The following MIPEP variants were observed in gnomAD, a reference collection of about 807,000 sequenced individuals.
MIPEP encodes mitochondrial intermediate peptidase.
Under a neutral mutation model 90.3 loss-of-function variants are expected in MIPEP, and 79 were observed. That is an observed-to-expected ratio of 0.87 (90% CI 0.73 to 1.05). The LOEUF is 1.05. Among genes scored for constraint, MIPEP ranks in the 50% least tolerant of loss-of-function variants. MIPEP has a pLI of 0.00. For missense variants in MIPEP, 940 were observed against 905.6 expected (o/e 1.04, Z -0.49); for synonymous variants, 334 against 315.8 (o/e 1.06, Z -0.61).
chr13:23,770,383 A>C (rs1467762328), intron 16 of MIPEP, among the ~76,000 whole-genome samples: 2 of 152,044 alleles, frequency 1.3e-5, no homozygotes, highest in African/African-American at 2.4e-5. Flanking sequence ...TGTCTTTTTA[A>C]ATTACGCTTC....
At chr13:23,884,454 G>A (rs1267816189) in intron 2 of MIPEP, among the ~76,000 whole-genome samples, 2 of 152,164 alleles carry the variant, frequency 1.3e-5, no homozygotes, top group East Asian at 3.9e-4. Context: ...TGAGACCTGA[G>A]CAGCCAGCCA....
chr13:23,857,314 T>TA (rs1235041858), intron 10 of MIPEP, among the ~76,000 whole-genome samples: 3 of 151,934 alleles, frequency 2.0e-5, no homozygotes, highest in African/African-American at 4.8e-5. Context: ...GTGTTTTCAC[T>TA]AAAAAAAAGA....
At chr13:23,806,106 C>T (rs1368355007) in intron 15 of MIPEP, 37 bp from the exon 16 acceptor site, 17 of 1,610,868 alleles carry the variant, frequency 1.1e-5, no homozygotes, top group African/African-American at 2.7e-5. Context: ...TTTTGGTCGT[C>T]CATCCTCACA....
intron 18 of MIPEP, among the ~76,000 whole-genome samples, chr13:23,743,685 T>G (rs1332014739): frequency 6.6e-6 from 1 of 152,240 alleles, no homozygotes; most frequent in Non-Finnish European, 1.5e-5. Context: ...TTATTTTAAT[T>G]TCATTGTCAG....
At chr13:23,883,993 G>A (rs1397625917) in intron 2 of MIPEP, among the ~76,000 whole-genome samples, 1 of 152,190 alleles carries the variant, frequency 6.6e-6, no homozygotes, top group African/African-American at 2.4e-5. Flanking sequence ...TTAAGAGCGG[G>A]AGGCTTGTGG....
chr13:23,853,908 C>G (rs576873182), intron 10 of MIPEP, among the ~76,000 whole-genome samples: 2 of 151,134 alleles, frequency 1.3e-5, no homozygotes, highest in Non-Finnish European at 2.9e-5. Context: ...TTAAGTGGCA[C>G]ATGACTGTAC....
chr13:23,827,938 T>A (rs1048225278), intron 14 of MIPEP, among the ~76,000 whole-genome samples: 3 of 152,034 alleles, frequency 2.0e-5, no homozygotes, highest in African/African-American at 7.2e-5. Flanking sequence ...CTCAAAAAAA[T>A]AAATAAATAA....
At chr13:23,811,654 T>A (rs1477775685) in intron 14 of MIPEP, among the ~76,000 whole-genome samples, 1 of 152,224 alleles carries the variant, frequency 6.6e-6, no homozygotes, top group Admixed American at 6.5e-5. Flanking sequence ...CAGCTACTCC[T>A]GTAAATAACA....
chr13:23,839,690 T>C lies in MIPEP; in HGVS notation c.1297A>G (p.Ile433Val). 1 of 1,612,994 alleles carries C rather than the reference T, an allele frequency of 6.2e-7. No individual in the cohort carries two copies. Among genetic ancestry groups the C allele is most frequent in the Non-Finnish European group, 8.5e-7 (1 of 1,179,676 alleles). The change falls in exon 12 of 19, where the codon ATT (isoleucine) becomes GTT (valine). Residue 433 changes from isoleucine (I) to valine (V), a missense_variant. Physicochemically the swap from Ile to Val is conservative, Grantham distance 29 (BLOSUM62 3). Transcript: ENST00000382172. Reference sequence around the variant, plus strand: ...GCTCGCTGAAAAAAATCACAGTAAATGTACCCCAACAATCCTTCAGATTCA... The same window carrying C: ...GCTCGCTGAAAAAAATCACAGTAAACGTACCCCAACAATCCTTCAGATTCA... ...VHESEGLLGY[I>V]YCDFFQRADK...
At chr13:23,807,349 T>C (rs562546821) in intron 15 of MIPEP, among the ~76,000 whole-genome samples, 38 of 152,236 alleles carry the variant, frequency 2.5e-4, no homozygotes, top group Non-Finnish European at 3.7e-4. Flanking sequence ...AGGACAAATT[T>C]TGACACGCAA....
intron 14 of MIPEP, among the ~76,000 whole-genome samples, chr13:23,834,577 T>C (rs1309104458): frequency 6.6e-6 from 1 of 152,276 alleles, no homozygotes; most frequent in Non-Finnish European, 1.5e-5. Flanking sequence ...AAGTGTTTTC[T>C]GACTGAAGGG....
rs541910822 is a variant in MIPEP at position 23,800,927 on chromosome 13, G to C, written c.1848+5023C>G. Among the ~76,000 whole-genome samples the C allele has an allele frequency of 7.2e-5, 11 of 152,276 alleles. No individual in the cohort carries two copies. The South Asian group carries it at 1.9e-3, about 26-fold the overall frequency. ...AACCAGTATTGCTCAAAGATAACTA[G>C]TGCGACACTTTATTCCCAAGATGAG... On this transcript the variant is annotated intron_variant, in intron 16 of 18. Transcript: ENST00000382172.
rs561808323 is a variant in MIPEP, at chr13:23,827,737, G to C, written c.1653+8503C>G. On this transcript the variant is annotated intron_variant, in intron 14 of 18. Coordinates refer to ENST00000382172, the MANE Select transcript of MIPEP (RefSeq NM_005932.4). ...AACTGGGGTCAGGAGCTCAAGGCCAGCCTGGCCAACATGGTAAAACCCCAC... is the reference window on the plus strand; with the variant it reads ...AACTGGGGTCAGGAGCTCAAGGCCACCCTGGCCAACATGGTAAAACCCCAC... Among the ~76,000 whole-genome samples the C allele has an allele frequency of 2.1e-3, 324 of 152,294 alleles. 1 individual carries two copies. Among genetic ancestry groups the C allele is most frequent in the African/African-American group, 7.5e-3 (310 of 41,568 alleles).
chr13:23,775,109 C>CTCTG lies in MIPEP; in HGVS notation c.1849-14893_1849-14892insCAGA, dbSNP rs1375320068. Reference sequence around the variant, plus strand: ...TCACTGCACCCAGCCTATCAGTTCTCTGTGTGTGTGTGTGTGTGTGTGTGT... The same window carrying CTCTG: ...TCACTGCACCCAGCCTATCAGTTCTCTCTGTGTGTGTGTGTGTGTGTGTGTGTGT... On this transcript the variant is annotated intron_variant, in intron 16 of 18. Coordinates refer to ENST00000382172, the MANE Select transcript of MIPEP (RefSeq NM_005932.4). Among the ~76,000 whole-genome samples the CTCTG allele has an allele frequency of 3.7e-3, 546 of 149,200 alleles. 10 individuals are homozygous for CTCTG. Among genetic ancestry groups the CTCTG allele is most frequent in the African/African-American group, 0.012 (479 of 40,444 alleles).
At chr13:23,889,071 C>G in intron 1 of MIPEP, 61 bp downstream of exon 1, 1 of 1,330,406 alleles carries the variant, frequency 7.5e-7, no homozygotes, top group Non-Finnish European at 9.7e-7. Flanking sequence ...TGTTGCTGGC[C>G]GCGCGGAGCA....
intron 15 of MIPEP, among the ~76,000 whole-genome samples, chr13:23,808,564 G>A (rs974483242): frequency 6.6e-6 from 1 of 152,102 alleles, no homozygotes; most frequent in East Asian, 1.9e-4. Flanking sequence ...TTTGGAGGGC[G>A]GAGGAGGGAA....
At chr13:23,831,716 C>G (rs1286602655) in intron 14 of MIPEP, among the ~76,000 whole-genome samples, 2 of 152,168 alleles carry the variant, frequency 1.3e-5, no homozygotes, top group African/African-American at 4.8e-5. Context: ...CCAGAGAGAG[C>G]TATTACTCCA....
chr13:23,860,755 G>A (rs1413608552), intron 9 of MIPEP, among the ~76,000 whole-genome samples: 1 of 152,176 alleles, frequency 6.6e-6, no homozygotes, highest in African/African-American at 2.4e-5. Context: ...TGGCTAAACT[G>A]TCTGAATCCA....
chr13:23,805,996 T>C lies in MIPEP; in HGVS notation c.1802A>G (p.Lys601Arg). 6.2e-7 allele frequency: 1 copy of C among 1,613,988 alleles called. No individual in the cohort carries two copies. Among genetic ancestry groups the C allele is most frequent in the Non-Finnish European group, 8.5e-7 (1 of 1,179,872 alleles). ...GCCATAGAATTTCTCTTGTGTTTCC[T>C]TGAGAATGTCTGTGGTTGAATTCCT... ...PLRNSTTDIL[K>R]ETQEKFYGLP... The change falls in exon 16 of 19, where the codon AAG (lysine) becomes AGG (arginine). Residue 601 changes from lysine (K) to arginine (R), a missense_variant. Lys to Arg is a conservative substitution (Grantham distance 26). Transcript: ENST00000382172.
Sources: gnomAD v4.1 joint callset for allele counts (sites outside exome capture counted in the v4.1 genomes callset) on GRCh38, gnomAD v4.1.1 for gene constraint, MANE v1.5 for transcripts, NCBI Gene and HGNC (gene_info 2026-07-23, HGNC 2026-07-21) for gene names.